Variants in NYAP2 observed in about 807,000 individuals in gnomAD.
NYAP2 encodes the protein neuronal tyrosine-phosphorylated phosphoinositide-3-kinase adaptor 2.
Under a neutral mutation model 50.4 loss-of-function variants are expected in NYAP2, and 23 were observed. The observed-to-expected ratio is 0.46, with a 90% CI of 0.33 to 0.65. NYAP2 has a LOEUF of 0.65. Among genes scored for constraint, NYAP2 ranks in the 30% least tolerant of loss-of-function variants. The pLI is 0.02. For synonymous variants in NYAP2, 394 were observed against 365.2 expected, an observed-to-expected ratio of 1.08 and a Z score of -0.90; for missense variants, 885 against 861.0, an observed-to-expected ratio of 1.03 and a Z score of -0.35.
chr2:225,505,953 A>C (rs777818083), intron 3 of NYAP2, among the ~76,000 whole-genome samples: 2 of 151,888 alleles, frequency 1.3e-5, no homozygotes, highest in Non-Finnish European at 2.9e-5. Context: ...TTTCACTCTG[A>C]TTGGACCACC....
intron 3 of NYAP2, among the ~76,000 whole-genome samples, chr2:225,509,742 CAT>C (rs1382155851): frequency 6.6e-6 from 1 of 152,190 alleles, no homozygotes. Flanking sequence ...GGATCGGAAA[CAT>C]AAAGTGCTCA....
At chr2:225,475,093 A>T (rs1427596806) in intron 3 of NYAP2, among the ~76,000 whole-genome samples, 1 of 152,216 alleles carries the variant, frequency 6.6e-6, no homozygotes, top group East Asian at 1.9e-4. Flanking sequence ...TATGATAGAA[A>T]CTTTTGAAAG....
chr2:225,574,359 C>T (rs1220362628), intron 4 of NYAP2, among the ~76,000 whole-genome samples: 2 of 152,158 alleles, frequency 1.3e-5, no homozygotes, highest in Non-Finnish European at 2.9e-5. Flanking sequence ...TTCAGTTAGA[C>T]TCATGTCCAG....
At chr2:225,486,490 A>G (rs1163343182) in intron 3 of NYAP2, among the ~76,000 whole-genome samples, 1 of 152,302 alleles carries the variant, frequency 6.6e-6, no homozygotes, top group Admixed American at 6.5e-5. Context: ...AGGCGCAGGC[A>G]CTGAGCCTTG....
intron 3 of NYAP2, among the ~76,000 whole-genome samples, chr2:225,452,461 T>C (rs1335320033): frequency 1.3e-5 from 2 of 152,220 alleles, no homozygotes; most frequent in African/African-American, 2.4e-5. Flanking sequence ...GCTCATTTTA[T>C]CTTTGGACAG....
intron 3 of NYAP2, among the ~76,000 whole-genome samples, chr2:225,470,811 A>ATGTGTG (rs113075606): frequency 0.1 from 15,146 of 148,150 alleles, 2,411 homozygotes; most frequent in African/African-American, 0.35. Flanking sequence ...ATGTATGTAT[A>ATGTGTG]TGTGTGTGTG....
At chr2:225,478,046 C>A (rs551339757) in intron 3 of NYAP2, among the ~76,000 whole-genome samples, 1 of 152,058 alleles carries the variant, frequency 6.6e-6, no homozygotes, top group African/African-American at 2.4e-5. Context: ...CAGCCAGGAA[C>A]GGTTGAAATT....
chr2:225,583,038 A>G lies in NYAP2; in HGVS notation c.1618+3A>G, dbSNP rs951334052. On this transcript the variant is annotated splice_donor_region_variant and intron_variant, in intron 5 of 6. Transcript: ENST00000636099. Reference sequence around the variant, plus strand: ...GCGCTCCAAAGAGCCTGCAGAGAGTAAGTGTGCAGGGCCTGCCTGAGCCCC... The same window carrying G: ...GCGCTCCAAAGAGCCTGCAGAGAGTGAGTGTGCAGGGCCTGCCTGAGCCCC... 4 of 1,609,366 alleles carry G rather than the reference A, an allele frequency of 2.5e-6. No individual in the cohort carries two copies. Among genetic ancestry groups the G allele is most frequent in the Non-Finnish European group, 3.4e-6 (4 of 1,178,392 alleles).
At chr2:225,436,574 A>T (rs1381872398) in intron 3 of NYAP2, among the ~76,000 whole-genome samples, 4 of 152,044 alleles carry the variant, frequency 2.6e-5, no homozygotes, top group Non-Finnish European at 5.9e-5. Context: ...TTATATTGCA[A>T]TGACCTTATT....
the NYAP2 span, among the ~76,000 whole-genome samples, chr2:225,678,596 T>C: frequency 6.6e-6 from 1 of 152,138 alleles, no homozygotes; most frequent in Non-Finnish European, 1.5e-5. Context: ...TTGGAAGAAG[T>C]CAATCTTTTC....
At chr2:225,485,280 G>C (rs1690271276) in intron 3 of NYAP2, among the ~76,000 whole-genome samples, 1 of 152,062 alleles carries the variant, frequency 6.6e-6, no homozygotes, top group Non-Finnish European at 1.5e-5. Context: ...CCATGATTGT[G>C]AGACCTCCCC....
intron 3 of NYAP2, among the ~76,000 whole-genome samples, chr2:225,452,467 G>T (rs1689668413): frequency 6.6e-6 from 1 of 152,116 alleles, no homozygotes. Flanking sequence ...TTTATCTTTG[G>T]ACAGCTTTCT....
chr2:225,412,642 A>T (rs964071583), intron 3 of NYAP2, among the ~76,000 whole-genome samples: 3 of 152,138 alleles, frequency 2.0e-5, no homozygotes, highest in Non-Finnish European at 4.4e-5. Context: ...GCAGCTGAGA[A>T]TAGTAGAAAA....
At chr2:225,643,584 TCCCTCCC>T (rs1693571297) in intron 6 of NYAP2, among the ~76,000 whole-genome samples, 1 of 137,738 alleles carries the variant, frequency 7.3e-6, no homozygotes, top group African/African-American at 2.7e-5. Flanking sequence ...CCCAATGCTA[TCCCTCCC>T]CCCTCCCCCA....
chr2:225,544,792 G>A (rs1559210407), intron 4 of NYAP2, among the ~76,000 whole-genome samples: 1 of 151,994 alleles, frequency 6.6e-6, no homozygotes, highest in African/African-American at 2.4e-5. Flanking sequence ...TTACCTTCAT[G>A]TGATTTCTTC....
At chr2:225,604,900 C>T (rs1298121134) in intron 5 of NYAP2, among the ~76,000 whole-genome samples, 2 of 152,020 alleles carry the variant, frequency 1.3e-5, no homozygotes, top group South Asian at 2.1e-4. Flanking sequence ...CTCTTTCTGC[C>T]TTACTTTTTA....
At chr2:225,475,508 C>T (rs918414591) in intron 3 of NYAP2, among the ~76,000 whole-genome samples, 1 of 152,064 alleles carries the variant, frequency 6.6e-6, no homozygotes, top group African/African-American at 2.4e-5. Flanking sequence ...TAGGGAAAAA[C>T]AATTATATTT....
the NYAP2 span, among the ~76,000 whole-genome samples, chr2:225,682,000 T>C: frequency 1.3e-5 from 2 of 152,202 alleles, no homozygotes; most frequent in African/African-American, 4.8e-5. Flanking sequence ...GTTTTTAGCA[T>C]TTCAATTATT....
At chr2:225,662,145 A>C in the NYAP2 span, among the ~76,000 whole-genome samples, 2 of 152,244 alleles carry the variant, frequency 1.3e-5, no homozygotes, top group Admixed American at 1.3e-4. Flanking sequence ...AGCAGAGGAC[A>C]AATTCAACTA....
Sources: allele counts gnomAD v4.1 joint callset (sites outside exome capture counted in the v4.1 genomes callset), GRCh38; gene constraint gnomAD v4.1.1; transcripts MANE v1.5; gene names NCBI Gene and HGNC (gene_info 2026-07-23, HGNC 2026-07-21).